Variants in GALNT10 observed in about 807,000 individuals in gnomAD.
The protein encoded by GALNT10 is GalNAc transferase 10.
GALNT10 carries 41 observed loss-of-function variants against 75.0 expected under a neutral mutation model. That is an observed-to-expected ratio of 0.55 (90% CI 0.43 to 0.71). The LOEUF is 0.71. GALNT10 is among the 30% of genes least tolerant of loss of function. The pLI is 0.00. For missense variants in GALNT10, 727 were observed against 818.5 expected, an observed-to-expected ratio of 0.89 and a Z score of 1.36; for synonymous variants, 302 against 313.0, an observed-to-expected ratio of 0.96 and a Z score of 0.37.
intron 1 of GALNT10, among the ~76,000 whole-genome samples, chr5:154,262,920 G>A (rs1753721287): frequency 6.6e-6 from 1 of 151,900 alleles, no homozygotes; most frequent in African/African-American, 2.4e-5. Flanking sequence ...ATGGTAACTA[G>A]ATATAATGCA....
At chr5:154,372,648 T>C (rs1755590484) in intron 4 of GALNT10, among the ~76,000 whole-genome samples, 1 of 152,048 alleles carries the variant, frequency 6.6e-6, no homozygotes, top group Non-Finnish European at 1.5e-5. Context: ...CTGAGAATTC[T>C]GGGAGCCAGC....
At chr5:154,405,394 G>A (rs947009529) in intron 8 of GALNT10, among the ~76,000 whole-genome samples, 1 of 152,210 alleles carries the variant, frequency 6.6e-6, no homozygotes, top group Non-Finnish European at 1.5e-5. Flanking sequence ...TCCAGTGGTA[G>A]CAGAGCCTAA....
At chr5:154,391,011 G>A (rs752350540) in intron 7 of GALNT10, among the ~76,000 whole-genome samples, 2 of 152,192 alleles carry the variant, frequency 1.3e-5, no homozygotes, top group Non-Finnish European at 1.5e-5. Flanking sequence ...CCTGAGGTCC[G>A]GAAGGGAGAC....
chr5:154,213,118 C>T (rs1752798821), intron 1 of GALNT10, among the ~76,000 whole-genome samples: 1 of 152,172 alleles, frequency 6.6e-6, no homozygotes. Flanking sequence ...ATTCAATGTT[C>T]TCAGCACAGT....
chr5:154,341,397 T>C (rs1755029911), intron 4 of GALNT10, among the ~76,000 whole-genome samples: 1 of 152,244 alleles, frequency 6.6e-6, no homozygotes, highest in African/African-American at 2.4e-5. Flanking sequence ...TGTCCTCCAT[T>C]CCTGGGCTTG....
At chr5:154,216,297 C>T (rs557925646) in intron 1 of GALNT10, among the ~76,000 whole-genome samples, 44 of 152,152 alleles carry the variant, frequency 2.9e-4, no homozygotes, top group African/African-American at 8.7e-4. Flanking sequence ...TGCATTTTTA[C>T]GTGTTGAAGG....
chr5:154,263,763 T>C (rs1288561096), intron 1 of GALNT10, among the ~76,000 whole-genome samples: 1 of 152,102 alleles, frequency 6.6e-6, no homozygotes, highest in East Asian at 1.9e-4. Context: ...ATCCAAGCCC[T>C]CATGACCCAA....
intron 8 of GALNT10, among the ~76,000 whole-genome samples, chr5:154,404,782 T>A (rs1756239821): frequency 6.6e-6 from 1 of 152,078 alleles, no homozygotes; most frequent in Non-Finnish European, 1.5e-5. Context: ...GGAGGGGAAG[T>A]GGGCTTCATA....
At chr5:154,228,934 G>A (rs556424690) in intron 1 of GALNT10, among the ~76,000 whole-genome samples, 19 of 152,284 alleles carry the variant, frequency 1.2e-4, no homozygotes, top group African/African-American at 3.9e-4. Flanking sequence ...TTGTCCATGC[G>A]TTTTAAAAAT....
rs1235318915 is a variant in GALNT10 at position 154,294,921 on chromosome 5, A to G, written c.262+3A>G. On this transcript the variant is annotated splice_donor_region_variant and intron_variant, in intron 2 of 11. Transcript: ENST00000297107. ...CCGGAGGGACGCTCAGCGCGTAGGT[A>G]CGGAGGGCAGGATTGGCCATGGGTG... 6.8e-6 allele frequency: 10 copies of G among 1,468,482 alleles called. No individual in the cohort carries two copies. The Admixed American group carries it at 1.2e-4, about 17-fold the overall frequency. 91.0% of individuals were successfully genotyped at this position (1,468,482 alleles called of 1,614,324 possible).
chr5:154,266,907 G>A (rs1484112586), intron 1 of GALNT10, among the ~76,000 whole-genome samples: 2 of 152,076 alleles, frequency 1.3e-5, no homozygotes, highest in African/African-American at 2.4e-5. Flanking sequence ...CATCCTTCTG[G>A]AGAACTTTGC....
intron 3 of GALNT10, among the ~76,000 whole-genome samples, chr5:154,317,869 C>G (rs1057277234): frequency 6.6e-6 from 1 of 152,252 alleles, no homozygotes; most frequent in Non-Finnish European, 1.5e-5. Flanking sequence ...GAATCTCTCT[C>G]TCCAACTCTT....
Position 154,230,069 on chromosome 5 carries a change from A to G in GALNT10, c.159+39044A>G, listed in dbSNP as rs966197753. 1.3e-4 allele frequency among the ~76,000 whole-genome samples: 20 copies of G among 152,182 alleles called. 1 individual carries two copies. Among genetic ancestry groups the G allele is most frequent in the Non-Finnish European group, 2.5e-4 (17 of 68,018 alleles). Reference sequence around the variant, plus strand: ...AAAAGGCAGTGTTCCCATTACTGGAATTTCCATATTCAAATAATAAATTTT... The same window carrying G: ...AAAAGGCAGTGTTCCCATTACTGGAGTTTCCATATTCAAATAATAAATTTT... On this transcript the variant is annotated intron_variant, in intron 1 of 11. Coordinates refer to ENST00000297107, the MANE Select transcript of GALNT10 (RefSeq NM_198321.4).
intron 1 of GALNT10, among the ~76,000 whole-genome samples, chr5:154,249,751 A>C (rs1186937975): frequency 6.6e-6 from 1 of 152,104 alleles, no homozygotes; most frequent in Non-Finnish European, 1.5e-5. Flanking sequence ...ACTTCTACTA[A>C]AGTAGCCTAC....
rs1051551515 is a variant in GALNT10 at position 154,420,777 on chromosome 5, C to T, written c.*3805C>T. On this transcript the variant is annotated 3_prime_UTR_variant, in exon 12 of 12. Transcript: ENST00000297107. ...CCAGGCAACAGAACAGGGTCAGACT[C>T]CTGCTCTGTTATTGGCTTGAAGACT... The T allele has an allele frequency of 6.6e-6, 1 of 152,186 alleles. No homozygotes were observed. Among genetic ancestry groups the T allele is most frequent in the Non-Finnish European group, 1.5e-5 (1 of 68,036 alleles). 9.4% of individuals were successfully genotyped at this position (152,186 alleles called of 1,614,324 possible).
chr5:154,202,212 T>A (rs1472442912), intron 1 of GALNT10, among the ~76,000 whole-genome samples: 3 of 152,150 alleles, frequency 2.0e-5, no homozygotes, highest in Non-Finnish European at 4.4e-5. Context: ...ACATAGCCAC[T>A]CATGTCTCTG....
At chr5:154,289,854 C>G (rs1233088611) in intron 1 of GALNT10, among the ~76,000 whole-genome samples, 1 of 152,188 alleles carries the variant, frequency 6.6e-6, no homozygotes, top group Non-Finnish European at 1.5e-5. Context: ...TAGGCCTACA[C>G]AGTATCTGTG....
At chr5:154,307,752 G>A (rs1039677800) in intron 3 of GALNT10, among the ~76,000 whole-genome samples, 7 of 151,288 alleles carry the variant, frequency 4.6e-5, no homozygotes, top group South Asian at 2.1e-4. Context: ...TACAAAAAAA[G>A]AATTTTACAG....
At chr5:154,344,501 C>T (rs1263419494) in intron 4 of GALNT10, among the ~76,000 whole-genome samples, 3 of 152,106 alleles carry the variant, frequency 2.0e-5, no homozygotes, top group Admixed American at 6.5e-5. Context: ...TGAGCCACTG[C>T]GCCTGGCCAA....
Sources: allele counts gnomAD v4.1 joint callset (sites outside exome capture counted in the v4.1 genomes callset), GRCh38; gene constraint gnomAD v4.1.1; transcripts MANE v1.5; gene names NCBI Gene and HGNC (gene_info 2026-07-23, HGNC 2026-07-21).